FOXC1: variants seen among roughly 807,000 people sequenced by gnomAD.
FOXC1 encodes the protein forkhead box protein C1.
In FOXC1, 5 loss-of-function variants were observed where a neutral mutation model predicts 8.1. That is an observed-to-expected ratio of 0.62 (90% CI 0.32 to 1.30). The LOEUF is 1.30. Among genes scored for constraint, FOXC1 ranks in the 50% most tolerant of loss-of-function variants. FOXC1 has a pLI of 0.05. For synonymous variants in FOXC1, 552 were observed against 417.2 expected, an observed-to-expected ratio of 1.32 and a Z score of -3.94; for missense variants, 942 against 858.0, an observed-to-expected ratio of 1.10 and a Z score of -1.22.
rs142371761 is a variant in FOXC1, at chr6:1,610,989, G to C, written c.544G>C (p.Asp182His). The change falls in exon 1 of 1, where the codon GAC (aspartate) becomes CAC (histidine). Residue 182 changes from aspartate (D) to histidine (H), a missense_variant. Coordinates refer to ENST00000645831, the MANE Select transcript of FOXC1 (RefSeq NM_001453.3). ...CTTCAAGAAGAAGGACGCGGTGAAGGACAAGGAGGAGAAGGACAGGCTGCA... is the reference window on the plus strand; with the variant it reads ...CTTCAAGAAGAAGGACGCGGTGAAGCACAAGGAGGAGAAGGACAGGCTGCA... ...RRFKKKDAVK[D>H]KEEKDRLHLK... The C allele has an allele frequency of 1.9e-6, 3 of 1,612,352 alleles. No homozygotes were observed. The highest frequency in any genetic ancestry group is 2.2e-5 in the East Asian group (1 of 44,806).
chr6:1,612,055 A>T lies in FOXC1; in HGVS notation c.1610A>T (p.Gln537Leu). The T allele has an allele frequency of 6.2e-7, 1 of 1,614,052 alleles. No individual in the cohort carries two copies. The highest frequency in any genetic ancestry group is 8.5e-7 in the Non-Finnish European group (1 of 1,180,022). Residue 537 changes from glutamine (Q) to leucine (L), a missense_variant, in exon 1 of 1, where the codon CAG becomes CTG. Gln to Leu is a moderately radical substitution (Grantham distance 113, BLOSUM62 -2). Coordinates refer to ENST00000645831, the MANE Select transcript of FOXC1 (RefSeq NM_001453.3). ...TGTCAAATGGCCTTCCCTTCCAGCC[A>T]GTCTCTGTACCGCACGTCCGGAGCT... is the stretch of plus-strand genomic sequence containing the variant. ...SSCQMAFPSS[Q>L]SLYRTSGAFV...
Position 1,611,596 on chromosome 6 carries a change from CG to C in FOXC1, c.1157del (p.Gly386AlafsTer15), listed in dbSNP as rs1762550387. 1 of 1,167,094 alleles carries C rather than the reference CG, an allele frequency of 8.6e-7. No homozygotes were observed. The highest frequency in any genetic ancestry group is 1.1e-6 in the Non-Finnish European group (1 of 952,034). 72.3% of individuals were successfully genotyped at this position (1,167,094 alleles called of 1,614,324 possible). On this transcript the variant is annotated frameshift_variant, in exon 1 of 1. Coordinates refer to ENST00000645831, the MANE Select transcript of FOXC1 (RefSeq NM_001453.3). LOFTEE classifies it low-confidence loss of function (END_TRUNC). This position sits in a 1 kb window ranked among gnomAD's most constrained non-coding sequence, Gnocchi z 7.1. The stretch of plus-strand genomic sequence containing the variant: ...GGCGGCGGCGGCGGCGCGGGGGCCG[CG>C]GGGGGCGCGGGCGGCGCCGGGACCT... ...SGGGGGGAGA[A>X]GGAGGAGTYH...
Position 1,611,095 on chromosome 6 carries a change from A to G in FOXC1, c.650A>G (p.Gln217Arg). 7.3e-7 allele frequency: 1 copy of G among 1,364,662 alleles called. No individual in the cohort carries two copies. The highest frequency in any genetic ancestry group is 9.5e-7 in the Non-Finnish European group (1 of 1,049,382). The allele number at this position is 1,364,662 out of a possible 1,614,324, so 84.5% of individuals were successfully genotyped here. The change falls in exon 1 of 1, where the codon CAG becomes CGG. Residue 217 changes from glutamine to arginine, a missense_variant. Gln to Arg is a conservative substitution (Grantham distance 43). Transcript: ENST00000645831. This position sits in a 1 kb window ranked among gnomAD's most constrained non-coding sequence, Gnocchi z 7.1. ...GCCGACGGCAACGCGCCCGGTCCGC[A>G]GCCGCCGCCCGTGCGCATCCAGGAC... Reference protein sequence around the residue: ...EQADGNAPGPQPPPVRIQDIK... With the variant: ...EQADGNAPGPRPPPVRIQDIK...
chr6:1,612,453 CT>C lies in FOXC1; in HGVS notation c.*349del, dbSNP rs1762574485. 6.7e-6 allele frequency: 3 copies of C among 450,300 alleles called. No individual in the cohort carries two copies. The highest frequency in any genetic ancestry group is 1.2e-5 in the Non-Finnish European group (3 of 241,062). The allele number at this position is 450,300 out of a possible 1,614,324, so 27.9% of individuals were successfully genotyped here. On this transcript the variant is annotated 3_prime_UTR_variant, in exon 1 of 1. Transcript: ENST00000645831. ...TTTCTTCTTGCTTTTCAGAGACCTG[CT>C]TTCCCCTCCTCCCGTCTCCCCTCTC...
At position 1,611,111 on chromosome 6, in the gene FOXC1, C is replaced by G; in HGVS notation, c.666C>G (p.Arg222=). Residue 222 remains arginine, a synonymous_variant, in exon 1 of 1, where the codon CGC becomes CGG. Transcript: ENST00000645831. This position sits in a 1 kb window ranked among gnomAD's most constrained non-coding sequence, Gnocchi z 7.1. ...NAPGPQPPPV[R]IQDIKTENGT... ...CCGGTCCGCAGCCGCCGCCCGTGCGCATCCAGGACATCAAGACCGAGAACG... is the reference window on the plus strand; with the variant it reads ...CCGGTCCGCAGCCGCCGCCCGTGCGGATCCAGGACATCAAGACCGAGAACG... 1 of 1,389,682 alleles carries G rather than the reference C, an allele frequency of 7.2e-7. No homozygotes were observed. Among genetic ancestry groups the G allele is most frequent in the African/African-American group, 1.5e-5 (1 of 65,922 alleles). The allele number at this position is 1,389,682 out of a possible 1,614,324, so 86.1% of individuals were successfully genotyped here.
At position 1,613,318 on chromosome 6, in the gene FOXC1, A is replaced by G. The variant is rs1762587108; in HGVS notation, c.*1211A>G. ...TATTTTCCTATTATTTCAGTCCTTT[A>G]TAAAAGGAAAAATAAACCAGTTTTT... On this transcript the variant is annotated 3_prime_UTR_variant, in exon 1 of 1. Coordinates refer to ENST00000645831, the MANE Select transcript of FOXC1 (RefSeq NM_001453.3). 8.7e-6 allele frequency: 2 copies of G among 230,316 alleles called. No individual in the cohort carries two copies. The highest frequency in any genetic ancestry group is 4.5e-5 in the African/African-American group (2 of 44,414). The allele number at this position is 230,316 out of a possible 1,614,324, so 14.3% of individuals were successfully genotyped here.
In FOXC1 at chr6:1,613,737, TG is replaced by T; in HGVS notation, c.*1636del. On this transcript the variant is annotated 3_prime_UTR_variant, in exon 1 of 1. Coordinates refer to ENST00000645831, the MANE Select transcript of FOXC1 (RefSeq NM_001453.3). ...ATTTGATTACAGACGTTCGGGGGGG[TG>T]GGGGGCTTGCAGTTTGTTTTGGAGA... The T allele has an allele frequency of 1.3e-5, 1 of 76,848 alleles. No homozygotes were observed. Among genetic ancestry groups the T allele is most frequent in the Non-Finnish European group, 3.2e-5 (1 of 31,566 alleles). 4.8% of individuals were successfully genotyped at this position (76,848 alleles called of 1,614,324 possible).
rs1209048036 is a variant in FOXC1, at chr6:1,611,800, G to A, written c.1355G>A (p.Gly452Asp). The change falls in exon 1 of 1, where the codon GGC (glycine) becomes GAC (aspartate). Residue 452 changes from glycine (G) to aspartate (D), a missense_variant. Transcript: ENST00000645831. This position sits in a 1 kb window ranked among gnomAD's most constrained non-coding sequence, Gnocchi z 7.1. The stretch of plus-strand genomic sequence containing the variant: ...CTGAGTCACGGCGGCGGCGGCGGCG[G>A]CGGCGGGGGAGGCCAGGAGGCCGGC... The part of the protein sequence containing the change: ...SSLSHGGGGG[G>D]GGGGQEAGHH... 58 of 1,466,138 alleles carry A rather than the reference G, an allele frequency of 4.0e-5. No homozygotes were observed. Among genetic ancestry groups the A allele is most frequent in the Non-Finnish European group, 5.2e-5 (58 of 1,113,210 alleles). 90.8% of individuals were successfully genotyped at this position (1,466,138 alleles called of 1,614,324 possible). A position where few individuals can be genotyped will look rare whatever the true frequency, so the allele number is the denominator to read the frequency against.
At position 1,611,114 on chromosome 6, in the gene FOXC1, C is replaced by T; in HGVS notation, c.669C>T (p.Ile223=). 7.2e-7 allele frequency: 1 copy of T among 1,393,530 alleles called. No individual in the cohort carries two copies. Among genetic ancestry groups the T allele is most frequent in the Non-Finnish European group, 9.4e-7 (1 of 1,061,384 alleles). The allele number at this position is 1,393,530 out of a possible 1,614,324, so 86.3% of individuals were successfully genotyped here. Residue 223 remains isoleucine, a synonymous_variant, in exon 1 of 1, where the codon ATC becomes ATT. Transcript: ENST00000645831. The surrounding 1 kb of genome is among the most constrained non-coding windows in gnomAD (Gnocchi z 7.1). ...APGPQPPPVR[I]QDIKTENGTC... is the part of the protein sequence containing the mutation. Reference sequence around the variant, plus strand: ...GTCCGCAGCCGCCGCCCGTGCGCATCCAGGACATCAAGACCGAGAACGGTA... The same window carrying T: ...GTCCGCAGCCGCCGCCCGTGCGCATTCAGGACATCAAGACCGAGAACGGTA...
Position 1,611,054 on chromosome 6 carries a change from C to T in FOXC1, c.609C>T (p.Pro203=). Residue 203 remains proline, a synonymous_variant, in exon 1 of 1, where the codon CCC becomes CCT. Coordinates refer to ENST00000645831, the MANE Select transcript of FOXC1 (RefSeq NM_001453.3). This position sits in a 1 kb window ranked among gnomAD's most constrained non-coding sequence, Gnocchi z 7.1. ...CCCCGCCCGGCCGCCAGCCCCCGCC[C>T]GCGCCGCCGGAGCAGGCCGACGGCA... is the stretch of plus-strand genomic sequence containing the variant. ...EPPPPGRQPP[P]APPEQADGNA... The T allele has an allele frequency of 1.3e-6, 2 of 1,507,796 alleles. No individual in the cohort carries two copies. The highest frequency in any genetic ancestry group is 2.6e-5 in the East Asian group (1 of 37,940). 93.4% of individuals were successfully genotyped at this position (1,507,796 alleles called of 1,614,324 possible). A position where few individuals can be genotyped will look rare whatever the true frequency, so the allele number is the denominator to read the frequency against.
In FOXC1 at chr6:1,611,038, G is replaced by A; in HGVS notation, c.593G>A (p.Gly198Asp). The A allele has an allele frequency of 6.5e-7, 1 of 1,536,270 alleles. No individual in the cohort carries two copies. The highest frequency in any genetic ancestry group is 1.2e-5 in the South Asian group (1 of 82,860). Residue 198 changes from glycine to aspartate, a missense_variant, in exon 1 of 1, where the codon GGC becomes GAC. Gly to Asp is a moderately conservative substitution (Grantham distance 94). Transcript: ENST00000645831. This position sits in a 1 kb window ranked among gnomAD's most constrained non-coding sequence, Gnocchi z 7.1. Reference protein sequence around the residue: ...RLHLKEPPPPGRQPPPAPPEQ... With the variant: ...RLHLKEPPPPDRQPPPAPPEQ... ...CACCTCAAGGAGCCGCCCCCGCCCG[G>A]CCGCCAGCCCCCGCCCGCGCCGCCG...
In FOXC1 at chr6:1,613,690, A is replaced by G. The variant is rs954727073; in HGVS notation, c.*1583A>G. On this transcript the variant is annotated 3_prime_UTR_variant, in exon 1 of 1. Coordinates refer to ENST00000645831, the MANE Select transcript of FOXC1 (RefSeq NM_001453.3). Reference sequence around the variant, plus strand: ...TATCTTAGGGTGATCTGCCCTGCCAATCAGACTTTGGGGAGATGGCGATTT... The same window carrying G: ...TATCTTAGGGTGATCTGCCCTGCCAGTCAGACTTTGGGGAGATGGCGATTT... 5.5e-6 allele frequency: 1 copy of G among 182,064 alleles called. No homozygotes were observed. The highest frequency in any genetic ancestry group is 1.2e-5 in the Non-Finnish European group (1 of 81,830). 11.3% of individuals were successfully genotyped at this position (182,064 alleles called of 1,614,324 possible).
chr6:1,610,556 C>T lies in FOXC1; in HGVS notation c.111C>T (p.Tyr37=), dbSNP rs1762517000. 6.4e-7 allele frequency: 1 copy of T among 1,562,850 alleles called. No individual in the cohort carries two copies. Residue 37 remains tyrosine (Y), a synonymous_variant, in exon 1 of 1, where the codon TAC becomes TAT. Coordinates refer to ENST00000645831, the MANE Select transcript of FOXC1 (RefSeq NM_001453.3). ...CGGCCGCGGCGGCCGGGGGCGGCTA[C>T]ACCGCCATGCCGGCCCCCATGAGCG... ...RAAAAAAGGG[Y]TAMPAPMSVY... is the part of the protein sequence containing the mutation.
At position 1,612,526 on chromosome 6, in the gene FOXC1, T is replaced by A. The variant is rs910619308; in HGVS notation, c.*419T>A. 1.4e-5 allele frequency: 4 copies of A among 277,754 alleles called. No homozygotes were observed. In the Admixed American group the frequency reaches 1.5e-4, roughly 10 times the overall value. The allele number at this position is 277,754 out of a possible 1,614,324, so 17.2% of individuals were successfully genotyped here. A position where few individuals can be genotyped will look rare whatever the true frequency, so the allele number is the denominator to read the frequency against. ...ACCTGTAAGATATTATTTTATCCTATGTTGAAGGGAGGGGGAAAGTCCCCG... is the reference window on the plus strand; with the variant it reads ...ACCTGTAAGATATTATTTTATCCTAAGTTGAAGGGAGGGGGAAAGTCCCCG... On this transcript the variant is annotated 3_prime_UTR_variant, in exon 1 of 1. Transcript: ENST00000645831.
rs908841297 is a variant in FOXC1 at position 1,611,815 on chromosome 6, A to G, written c.1370A>G (p.Gln457Arg). 50 of 1,485,850 alleles carry G rather than the reference A, an allele frequency of 3.4e-5. No individual in the cohort carries two copies. The highest frequency in any genetic ancestry group is 1.9e-4 in the Middle Eastern group (1 of 5,260). The allele number at this position is 1,485,850 out of a possible 1,614,324, so 92.0% of individuals were successfully genotyped here. A position where few individuals can be genotyped will look rare whatever the true frequency, so the allele number is the denominator to read the frequency against. Residue 457 changes from glutamine (Q) to arginine (R), a missense_variant, in exon 1 of 1, where the codon CAG becomes CGG. By Grantham distance (43) the Gln-to-Arg change is conservative. Around this residue, in one of 4 missense-constraint regions of FOXC1, gnomAD observed 726 missense variants for 599.6 expected, o/e 1.21. Transcript: ENST00000645831. The surrounding 1 kb of genome is among the most constrained non-coding windows in gnomAD (Gnocchi z 7.1). ...GGGGGGGGGGQEAGHHPAAHQ... is the reference protein window; with the variant it reads ...GGGGGGGGGGREAGHHPAAHQ... ...GGCGGCGGCGGCGGCGGGGGAGGCC[A>G]GGAGGCCGGCCACCACCCTGCGGCC...
At position 1,611,099 on chromosome 6, in the gene FOXC1, G is replaced by T. The variant is rs779968596; in HGVS notation, c.654G>T (p.Pro218=). 2.2e-6 allele frequency: 3 copies of T among 1,374,600 alleles called. No individual in the cohort carries two copies. The South Asian group carries it at 5.1e-5, about 23-fold the overall frequency. The allele number at this position is 1,374,600 out of a possible 1,614,324, so 85.2% of individuals were successfully genotyped here. A position where few individuals can be genotyped will look rare whatever the true frequency, so the allele number is the denominator to read the frequency against. The part of the protein sequence containing the change: ...QADGNAPGPQ[P]PPVRIQDIKT... ...ACGGCAACGCGCCCGGTCCGCAGCC[G>T]CCGCCCGTGCGCATCCAGGACATCA... Residue 218 remains proline (P), a synonymous_variant, in exon 1 of 1, where the codon CCG becomes CCT. Transcript: ENST00000645831. The surrounding 1 kb of genome is among the most constrained non-coding windows in gnomAD (Gnocchi z 7.1).
Position 1,613,023 on chromosome 6 carries a change from A to G in FOXC1, c.*916A>G, listed in dbSNP as rs1208885860. 9 of 228,114 alleles carry G rather than the reference A, an allele frequency of 3.9e-5. No individual in the cohort carries two copies. Among genetic ancestry groups the G allele is most frequent in the East Asian group, 1.4e-4 (2 of 14,204 alleles). The allele number at this position is 228,114 out of a possible 1,614,324, so 14.1% of individuals were successfully genotyped here. A position where few individuals can be genotyped will look rare whatever the true frequency, so the allele number is the denominator to read the frequency against. On this transcript the variant is annotated 3_prime_UTR_variant, in exon 1 of 1. Transcript: ENST00000645831. ...TGCAGCATCTTCTGCAAAATGTACTATATAGTCAGCTTGCTTTGAGGCTAG... is the reference window on the plus strand; with the variant it reads ...TGCAGCATCTTCTGCAAAATGTACTGTATAGTCAGCTTGCTTTGAGGCTAG...
chr6:1,611,291 G>A lies in FOXC1; in HGVS notation c.846G>A (p.Pro282=), dbSNP rs1261991191. 7.9e-6 allele frequency: 11 copies of A among 1,389,504 alleles called. No homozygotes were observed. Among genetic ancestry groups the A allele is most frequent in the African/African-American group, 1.5e-5 (1 of 65,234 alleles). 86.1% of individuals were successfully genotyped at this position (1,389,504 alleles called of 1,614,324 possible). ...SPPGSLPSAR[P]LSLDGADSAP... ...CGGGCAGCCTGCCGTCGGCGCGGCC[G>A]CTCAGCCTGGACGGTGCGGATTCCG... The change falls in exon 1 of 1, where the codon CCG becomes CCA. Residue 282 remains proline, a synonymous_variant. Transcript: ENST00000645831. This position sits in a 1 kb window ranked among gnomAD's most constrained non-coding sequence, Gnocchi z 7.1.
In FOXC1 at chr6:1,611,730, C is replaced by T. The variant is rs1381298157; in HGVS notation, c.1285C>T (p.Pro429Ser). ...CGGCTCGGCCGTGGACGACCCCCTG[C>T]CCGACTACTCTCTGCCTCCGGTCAC... ...AGGSAVDDPLPDYSLPPVTSS... is the reference protein window; with the variant it reads ...AGGSAVDDPLSDYSLPPVTSS... The change falls in exon 1 of 1, where the codon CCC becomes TCC. Residue 429 changes from proline to serine, a missense_variant. Pro to Ser is a moderately conservative substitution (Grantham distance 74). Transcript: ENST00000645831. This position sits in a 1 kb window ranked among gnomAD's most constrained non-coding sequence, Gnocchi z 7.1. The T allele has an allele frequency of 7.5e-6, 11 of 1,466,016 alleles. No homozygotes were observed. Among genetic ancestry groups the T allele is most frequent in the Non-Finnish European group, 9.0e-6 (10 of 1,115,558 alleles). 90.8% of individuals were successfully genotyped at this position (1,466,016 alleles called of 1,614,324 possible).
Sources: gnomAD v4.1 joint callset for allele counts on GRCh38, gnomAD v4.1.1 for gene constraint, gnomAD v4.1.1 regional missense constraint, Gnocchi (gnomAD v3.1) non-coding constraint, MANE v1.5 for transcripts, NCBI Gene and HGNC (gene_info 2026-07-23, HGNC 2026-07-21) for gene names.